KLF9: variants seen among roughly 807,000 people sequenced by gnomAD.
KLF9 encodes KLF transcription factor 9, also known as Krueppel-like factor 9.
A neutral mutation model predicts 17.3 loss-of-function variants in KLF9; 2 were observed. That is an observed-to-expected ratio of 0.12 (90% CI 0.05 to 0.36). KLF9 has a LOEUF of 0.36. Ranked by LOEUF, KLF9 falls within the 10% of genes least tolerant of loss-of-function variation. The pLI is 1.00. For missense variants in KLF9, 226 were observed against 333.2 expected (o/e 0.68, Z 2.51); for synonymous variants, 138 against 139.2 (o/e 0.99, Z 0.06).
intron 1 of KLF9, among the ~76,000 whole-genome samples, chr9:70,395,887 A>G (rs2037179222): frequency 6.6e-6 from 1 of 152,174 alleles, no homozygotes; most frequent in Non-Finnish European, 1.5e-5. Flanking sequence ...GTAAGCTGAG[A>G]TTGTGTCACT....
intron 1 of KLF9, among the ~76,000 whole-genome samples, chr9:70,397,384 A>G (rs1425006176): frequency 3.9e-5 from 6 of 152,002 alleles, no homozygotes; most frequent in Admixed American, 3.9e-4. Flanking sequence ...CTGAGGCAGG[A>G]GAATCGCTTG....
In KLF9 at chr9:70,387,105, T is replaced by TATA. The variant is rs2037114980; in HGVS notation, c.*668_*670dup. On this transcript the variant is annotated 3_prime_UTR_variant, in exon 2 of 2. Transcript: ENST00000377126. ...ATTCAGACTCTGCTTACCCATTGACTATAAGTAACTGTTTTTTGTTTTCAA... is the reference window on the plus strand; with the variant it reads ...ATTCAGACTCTGCTTACCCATTGACTATAATAAGTAACTGTTTTTTGTTTTCAA... The TATA allele has an allele frequency of 6.5e-6, 1 of 153,080 alleles. No individual in the cohort carries two copies. The allele number at this position is 153,080 out of a possible 1,614,324, so 9.5% of individuals were successfully genotyped here.
intron 1 of KLF9, among the ~76,000 whole-genome samples, chr9:70,399,333 A>G (rs2037206337): frequency 6.6e-6 from 1 of 152,210 alleles, no homozygotes; most frequent in Non-Finnish European, 1.5e-5. Context: ...AAGGCCCAGA[A>G]AGATGATGCA....
intron 1 of KLF9, among the ~76,000 whole-genome samples, chr9:70,406,903 A>G (rs1187428140): frequency 2.7e-4 from 41 of 151,470 alleles, no homozygotes; most frequent in South Asian, 6.2e-4. Flanking sequence ...GAGAGAGAAA[A>G]AAAAAAAAAG....
intron 1 of KLF9, among the ~76,000 whole-genome samples, chr9:70,388,878 G>C (rs564168403): frequency 1.3e-5 from 2 of 152,168 alleles, no homozygotes; most frequent in Admixed American, 6.5e-5. Context: ...AATCCCTCAC[G>C]CCTGTAATCC....
Position 70,387,075 on chromosome 9 carries a change from T to C in KLF9, c.*701A>G, listed in dbSNP as rs1471297112. ...CCTTTCAAAGGTTTGTCTTGATTAG[T>C]ATAAATTCAGACTCTGCTTACCCAT... is the stretch of plus-strand genomic sequence containing the variant. On this transcript the variant is annotated 3_prime_UTR_variant, in exon 2 of 2. Transcript: ENST00000377126. 1 of 152,778 alleles carries C rather than the reference T, an allele frequency of 6.5e-6. No individual in the cohort carries two copies. Among genetic ancestry groups the C allele is most frequent in the African/African-American group, 2.4e-5 (1 of 41,442 alleles). The allele number at this position is 152,778 out of a possible 1,614,324, so 9.5% of individuals were successfully genotyped here.
intron 1 of KLF9, among the ~76,000 whole-genome samples, chr9:70,395,207 T>C (rs1223708184): frequency 1.3e-5 from 2 of 152,182 alleles, no homozygotes; most frequent in African/African-American, 4.8e-5. Flanking sequence ...GTAAATGGGG[T>C]ATTTCAAATC....
chr9:70,410,292 A>G (rs762426044), intron 1 of KLF9, among the ~76,000 whole-genome samples: 7 of 152,226 alleles, frequency 4.6e-5, no homozygotes, highest in Non-Finnish European at 1.0e-4. Flanking sequence ...AAATTTTTAT[A>G]AACCCTGTGT....
intron 1 of KLF9, among the ~76,000 whole-genome samples, chr9:70,402,864 T>A (rs2037231593): frequency 6.6e-6 from 1 of 152,148 alleles, no homozygotes; most frequent in African/African-American, 2.4e-5. Flanking sequence ...ATAAATGGGA[T>A]GATAGCCGGG....
intron 1 of KLF9, among the ~76,000 whole-genome samples, chr9:70,390,699 T>C (rs73647501): frequency 0.025 from 3,777 of 152,132 alleles, 132 homozygotes; most frequent in African/African-American, 0.086. Flanking sequence ...GTCACTCACA[T>C]TGAAATCTGC....
intron 1 of KLF9, among the ~76,000 whole-genome samples, chr9:70,396,600 G>A (rs959415413): frequency 5.3e-5 from 8 of 151,940 alleles, no homozygotes; most frequent in African/African-American, 1.9e-4. Flanking sequence ...ACCAGCTTGG[G>A]CAACACAGTA....
chr9:70,389,727 C>T lies in KLF9; in HGVS notation c.506-1722G>A, dbSNP rs10119317. 5.7e-3 allele frequency among the ~76,000 whole-genome samples: 867 copies of T among 152,274 alleles called. 11 individuals carry two copies. The highest frequency in any genetic ancestry group is 0.019 in the African/African-American group (800 of 41,554). On this transcript the variant is annotated intron_variant, in intron 1 of 1. Transcript: ENST00000377126. ...GGACATACACAGGCAGACAAGCAGA[C>T]GAGCTGTTGAAGATGAGAACCACAC...
intron 1 of KLF9, among the ~76,000 whole-genome samples, chr9:70,392,110 G>A (rs1483052142): frequency 2.0e-5 from 3 of 152,210 alleles, no homozygotes; most frequent in Admixed American, 1.3e-4. Flanking sequence ...GCTTGAACCC[G>A]AGGGGCGGAG....
chr9:70,402,916 G>A (rs1378478817), intron 1 of KLF9, among the ~76,000 whole-genome samples: 2 of 152,180 alleles, frequency 1.3e-5, no homozygotes, highest in African/African-American at 2.4e-5. Context: ...TTGAGAGGCC[G>A]AGGCGGGTGG....
Position 70,413,127 on chromosome 9 carries a change from G to A in KLF9, c.237C>T (p.Pro79=). Residue 79 remains proline (P), a synonymous_variant, in exon 1 of 2, where the codon CCC becomes CCT. Coordinates refer to ENST00000377126, the MANE Select transcript of KLF9 (RefSeq NM_001206.4). This position sits in a 1 kb window ranked among gnomAD's most constrained non-coding sequence, Gnocchi z 5.6. ...DLNKYRPIQT[P]SVCSDSLESP... ...TTTCCAGACTGTCGCTGCACACGGA[G>A]GGGGTCTGGATGGGTCGGTACTTGT... 6.2e-7 allele frequency: 1 copy of A among 1,614,206 alleles called. No individual in the cohort carries two copies. The highest frequency in any genetic ancestry group is 8.5e-7 in the Non-Finnish European group (1 of 1,180,044).
chr9:70,414,168 G>A lies in KLF9; in HGVS notation c.-805C>T, dbSNP rs1432810938. 1 of 152,218 alleles carries A rather than the reference G, an allele frequency of 6.6e-6. No individual in the cohort carries two copies. Among genetic ancestry groups the A allele is most frequent in the Non-Finnish European group, 1.5e-5 (1 of 68,062 alleles). 9.4% of individuals were successfully genotyped at this position (152,218 alleles called of 1,614,324 possible). ...CAGCCTCGAACACTGACATTTAAAA[G>A]GGTAACAGCTGGGAGGCAGGGAAGG... On this transcript the variant is annotated 5_prime_UTR_variant, in exon 1 of 2. Coordinates refer to ENST00000377126, the MANE Select transcript of KLF9 (RefSeq NM_001206.4).
chr9:70,396,119 C>T (rs919228672), intron 1 of KLF9, among the ~76,000 whole-genome samples: 1 of 152,136 alleles, frequency 6.6e-6, no homozygotes, highest in Non-Finnish European at 1.5e-5. Flanking sequence ...ATACCGACCA[C>T]TGGTGGAGGC....
chr9:70,398,551 C>T (rs1370165235), intron 1 of KLF9, among the ~76,000 whole-genome samples: 6 of 150,916 alleles, frequency 4.0e-5, no homozygotes, highest in Non-Finnish European at 7.4e-5. Context: ...TGCAGTGGCA[C>T]GATCTCGGCT....
chr9:70,412,654 C>G (rs1051112647), intron 1 of KLF9, among the ~76,000 whole-genome samples: 1 of 152,208 alleles, frequency 6.6e-6, no homozygotes, highest in African/African-American at 2.4e-5. Context: ...TAAGGCTCTC[C>G]GTGGCTCCCG....
Sources: allele counts gnomAD v4.1 joint callset (sites outside exome capture counted in the v4.1 genomes callset), GRCh38; gene constraint gnomAD v4.1.1; non-coding constraint Gnocchi (gnomAD v3.1); transcripts MANE v1.5; gene names NCBI Gene and HGNC (gene_info 2026-07-23, HGNC 2026-07-21).